The following EDIL3 variants were observed in gnomAD, a reference collection of about 807,000 sequenced individuals.
EDIL3 encodes the protein EGF-like repeat and discoidin I-like domain-containing protein 3.
A neutral mutation model predicts 67.4 loss-of-function variants in EDIL3; 37 were observed. The ratio of observed to expected loss-of-function variants is 0.55; its 90% CI spans 0.42 to 0.72. The LOEUF is 0.72. Ranked by LOEUF, EDIL3 falls within the 30% of genes least tolerant of loss-of-function variation. The probability of loss-of-function intolerance (pLI) is 0.00; values close to 1 mark genes in which losing one functional copy is unlikely to be tolerated. For synonymous variants in EDIL3, 195 were observed against 196.3 expected (o/e 0.99, Z 0.05); for missense variants, 527 against 586.3 (o/e 0.90, Z 1.04).
At position 83,940,794 on chromosome 5, in the gene EDIL3, A is replaced by G. The variant is rs573504010; in HGVS notation, c.*2625T>C. The G allele has an allele frequency of 1.5e-4, 23 of 152,090 alleles. No individual in the cohort carries two copies. The highest frequency in any genetic ancestry group is 5.5e-4 in the African/African-American group (23 of 41,546). The allele number at this position is 152,090 out of a possible 1,614,324, so 9.4% of individuals were successfully genotyped here. On this transcript the variant is annotated 3_prime_UTR_variant, in exon 11 of 11. Coordinates refer to ENST00000296591, the MANE Select transcript of EDIL3 (RefSeq NM_005711.5). ...ATCAGACGCATTGAGTATATTTCAT[A>G]AGTTGTTGACTAGCAAAGATACAAT...
intron 10 of EDIL3, among the ~76,000 whole-genome samples, chr5:83,946,658 T>C (rs1033577353): frequency 2.6e-5 from 4 of 151,848 alleles, no homozygotes; most frequent in African/African-American, 4.8e-5. Flanking sequence ...CATTCTTTGT[T>C]AGGACTACGG....
intron 1 of EDIL3, among the ~76,000 whole-genome samples, chr5:84,278,407 T>C (rs919425488): frequency 6.6e-6 from 1 of 152,174 alleles, no homozygotes; most frequent in East Asian, 1.9e-4. Flanking sequence ...CAAAAATTAT[T>C]TGGGCTTCTA....
intron 4 of EDIL3, among the ~76,000 whole-genome samples, chr5:84,164,328 A>C (rs1001054518): frequency 6.6e-6 from 1 of 152,144 alleles, no homozygotes; most frequent in Non-Finnish European, 1.5e-5. Flanking sequence ...TGACATGGGT[A>C]TCTTCATACT....
At chr5:84,045,357 A>C (rs1746203240) in intron 9 of EDIL3, among the ~76,000 whole-genome samples, 1 of 152,154 alleles carries the variant, frequency 6.6e-6, no homozygotes. Flanking sequence ...GGAGAGCAGT[A>C]AGACACATAT....
At chr5:84,274,564 A>G (rs1339299982) in intron 1 of EDIL3, among the ~76,000 whole-genome samples, 1 of 152,230 alleles carries the variant, frequency 6.6e-6, no homozygotes, top group African/African-American at 2.4e-5. Flanking sequence ...AAATAAAACC[A>G]GCATATGAAA....
intron 9 of EDIL3, among the ~76,000 whole-genome samples, chr5:84,017,398 C>A (rs562712328): frequency 9.2e-5 from 14 of 152,222 alleles, no homozygotes; most frequent in African/African-American, 1.9e-4. Flanking sequence ...AAACATGTAA[C>A]CAACACTCTG....
chr5:84,311,567 T>C (rs1048571902), intron 1 of EDIL3, among the ~76,000 whole-genome samples: 1 of 151,574 alleles, frequency 6.6e-6, no homozygotes, highest in Admixed American at 6.6e-5. Flanking sequence ...TTTTTTTTTT[T>C]ATTTTTTTTT....
chr5:84,140,664 T>G (rs1748172507), intron 4 of EDIL3, among the ~76,000 whole-genome samples: 1 of 152,166 alleles, frequency 6.6e-6, no homozygotes, highest in Admixed American at 6.5e-5. Context: ...CACACTCAAT[T>G]TGTGATAGAA....
chr5:84,026,516 T>C (rs577303133), intron 9 of EDIL3, among the ~76,000 whole-genome samples: 1 of 152,328 alleles, frequency 6.6e-6, no homozygotes, highest in South Asian at 2.1e-4. Context: ...TGCCTCTGCA[T>C]TTTTCTTGTG....
At chr5:84,101,691 C>A (rs1747368160) in intron 6 of EDIL3, among the ~76,000 whole-genome samples, 1 of 151,848 alleles carries the variant, frequency 6.6e-6, no homozygotes, top group Non-Finnish European at 1.5e-5. Flanking sequence ...GCCTACCAAC[C>A]AAAAAGAGCC....
chr5:84,148,912 T>G (rs1043727138), intron 4 of EDIL3, among the ~76,000 whole-genome samples: 1 of 140,220 alleles, frequency 7.1e-6, no homozygotes, highest in East Asian at 2.1e-4. Flanking sequence ...GGCCTAGACA[T>G]AGTAAAAGGG....
chr5:84,191,349 A>C (rs1326893204), intron 3 of EDIL3, among the ~76,000 whole-genome samples: 1 of 152,044 alleles, frequency 6.6e-6, no homozygotes, highest in Admixed American at 6.6e-5. Flanking sequence ...TTAATCATGA[A>C]GCAGAGAGAT....
At chr5:84,089,723 T>G (rs1747130745) in intron 6 of EDIL3, among the ~76,000 whole-genome samples, 1 of 152,184 alleles carries the variant, frequency 6.6e-6, no homozygotes, top group Admixed American at 6.5e-5. Context: ...TGGCATCTCC[T>G]TACCTTTTCA....
At chr5:83,969,474 C>G (rs376846936) in intron 9 of EDIL3, among the ~76,000 whole-genome samples, 1 of 151,704 alleles carries the variant, frequency 6.6e-6, no homozygotes, top group African/African-American at 2.4e-5. Context: ...CCGTATTGTG[C>G]GTGCATGAAT....
intron 1 of EDIL3, among the ~76,000 whole-genome samples, chr5:84,318,496 A>C (rs11951027): frequency 0.36 from 54,281 of 151,984 alleles, 10,971 homozygotes; most frequent in South Asian, 0.48. Flanking sequence ...CCTCAGAAAA[A>C]ACACCACACA....
intron 1 of EDIL3, among the ~76,000 whole-genome samples, chr5:84,340,184 C>A (rs145371540): frequency 0.013 from 1,933 of 151,464 alleles, 48 homozygotes; most frequent in African/African-American, 0.045. Context: ...TTATGAACAA[C>A]AAATCTTGCT....
intron 4 of EDIL3, among the ~76,000 whole-genome samples, chr5:84,153,915 T>A (rs1211429593): frequency 1.3e-5 from 2 of 152,204 alleles, no homozygotes; most frequent in Non-Finnish European, 2.9e-5. Context: ...TTCTCAGACA[T>A]CTGAGTGTTG....
At chr5:84,301,797 T>A (rs145529989) in intron 1 of EDIL3, among the ~76,000 whole-genome samples, 1 of 152,300 alleles carries the variant, frequency 6.6e-6, no homozygotes, top group East Asian at 1.9e-4. Context: ...TAGAACTGAC[T>A]GGTCCAAAGT....
At chr5:84,096,101 T>G (rs1255985515) in intron 6 of EDIL3, among the ~76,000 whole-genome samples, 1 of 152,012 alleles carries the variant, frequency 6.6e-6, no homozygotes, top group Admixed American at 6.5e-5. Context: ...GCTGCAGGGG[T>G]GAGGCCCTCA....
Sources: allele counts gnomAD v4.1 joint callset (sites outside exome capture counted in the v4.1 genomes callset), GRCh38; gene constraint gnomAD v4.1.1; transcripts MANE v1.5; gene names NCBI Gene and HGNC (gene_info 2026-07-23, HGNC 2026-07-21).